RAB3C: variants seen among roughly 807,000 people sequenced by gnomAD.
The protein encoded by RAB3C is ras-related protein Rab-3C.
A neutral mutation model predicts 26.4 loss-of-function variants in RAB3C; 17 were observed. The observed-to-expected ratio is 0.64, with a 90% CI of 0.44 to 0.97. The LOEUF (loss-of-function observed/expected upper bound fraction) is 0.97. Ranked by LOEUF, RAB3C falls within the 50% of genes least tolerant of loss-of-function variation. The pLI, the probability that RAB3C is intolerant of heterozygous loss-of-function variation, is 0.00. For missense variants in RAB3C, 242 were observed against 281.9 expected (o/e 0.86, Z 1.01); for synonymous variants, 91 against 95.9 (o/e 0.95, Z 0.30).
chr5:58,805,336 G>C (rs1377363459), intron 3 of RAB3C, among the ~76,000 whole-genome samples: 1 of 152,114 alleles, frequency 6.6e-6, no homozygotes, highest in Non-Finnish European at 1.5e-5. Context: ...GGTGGAACTT[G>C]AGCTGGGAGT....
At chr5:58,672,400 A>G (rs1478119716) in intron 2 of RAB3C, among the ~76,000 whole-genome samples, 1 of 152,194 alleles carries the variant, frequency 6.6e-6, no homozygotes, top group Non-Finnish European at 1.5e-5. Context: ...TCAACTTCAT[A>G]CCTGCACTGT....
At chr5:58,673,417 G>T (rs1748161641) in intron 2 of RAB3C, among the ~76,000 whole-genome samples, 1 of 150,516 alleles carries the variant, frequency 6.6e-6, no homozygotes, top group Non-Finnish European at 1.5e-5. Context: ...GTGGGGAGCG[G>T]TTTCTTTCTT....
intron 4 of RAB3C, among the ~76,000 whole-genome samples, chr5:58,835,891 A>G (rs1014174184): frequency 6.6e-5 from 10 of 152,324 alleles, no homozygotes; most frequent in African/African-American, 2.4e-4. Flanking sequence ...CTCACACTAA[A>G]TTGTGGAATC....
chr5:58,622,521 G>A (rs761034192), intron 2 of RAB3C, among the ~76,000 whole-genome samples: 2 of 152,170 alleles, frequency 1.3e-5, no homozygotes, highest in Non-Finnish European at 2.9e-5. Flanking sequence ...TCTGACAAAT[G>A]CTGTGATTCC....
At chr5:58,808,224 CAAA>C (rs773339041) in intron 3 of RAB3C, among the ~76,000 whole-genome samples, 6 of 63,616 alleles carry the variant, frequency 9.4e-5, no homozygotes, top group East Asian at 4.7e-4. Flanking sequence ...GACTCCGTCT[CAAA>C]AAAAAAAAAA....
At chr5:58,737,437 ATAT>A (rs1741173044) in intron 3 of RAB3C, among the ~76,000 whole-genome samples, 3 of 82,296 alleles carry the variant, frequency 3.6e-5, no homozygotes, top group Admixed American at 1.3e-4. Context: ...ATATATATAT[ATAT>A]ATATATATAA....
chr5:58,768,892 C>CA (rs1217172938), intron 3 of RAB3C, among the ~76,000 whole-genome samples: 2 of 152,016 alleles, frequency 1.3e-5, no homozygotes, highest in Non-Finnish European at 2.9e-5. Flanking sequence ...AAATTCACTC[C>CA]CACTGCTATG....
intron 2 of RAB3C, among the ~76,000 whole-genome samples, chr5:58,655,189 A>AGAT (rs761209772): frequency 2.6e-4 from 40 of 152,216 alleles, no homozygotes; most frequent in Non-Finnish European, 4.7e-4. Flanking sequence ...ATCATAATTA[A>AGAT]GATAGCAAGA....
At chr5:58,804,947 G>T (rs1368968116) in intron 3 of RAB3C, among the ~76,000 whole-genome samples, 1 of 150,356 alleles carries the variant, frequency 6.7e-6, no homozygotes, top group Non-Finnish European at 1.5e-5. Context: ...GTTCCATGTT[G>T]TTTGTACATA....
chr5:58,666,205 A>G (rs981318843), intron 2 of RAB3C, among the ~76,000 whole-genome samples: 4 of 152,240 alleles, frequency 2.6e-5, no homozygotes, highest in Non-Finnish European at 5.9e-5. Flanking sequence ...AATGTCCCTC[A>G]GGAAATTGGC....
Position 58,858,642 on chromosome 5 carries a change from T to G in RAB3C, c.*7291T>G, listed in dbSNP as rs1194497718. 6.6e-6 allele frequency: 1 copy of G among 151,926 alleles called. No individual in the cohort carries two copies. Among genetic ancestry groups the G allele is most frequent in the African/African-American group, 2.4e-5 (1 of 41,372 alleles). 9.4% of individuals were successfully genotyped at this position (151,926 alleles called of 1,614,324 possible). ...TAGTGAGGAGATTGTGCCAGGAAAA[T>G]AAGTGGGAAAGGCCACAGTTATGTT... On this transcript the variant is annotated 3_prime_UTR_variant, in exon 5 of 5. Coordinates refer to ENST00000282878, the MANE Select transcript of RAB3C (RefSeq NM_138453.4).
At chr5:58,732,316 A>G (rs1741043599) in intron 3 of RAB3C, among the ~76,000 whole-genome samples, 1 of 151,872 alleles carries the variant, frequency 6.6e-6, no homozygotes, top group Non-Finnish European at 1.5e-5. Context: ...TTTATTAAAC[A>G]TGATATATTA....
At chr5:58,757,567 C>G (rs1054057947) in intron 3 of RAB3C, among the ~76,000 whole-genome samples, 3 of 152,216 alleles carry the variant, frequency 2.0e-5, no homozygotes, top group Non-Finnish European at 4.4e-5. Context: ...ATGTTGTGTC[C>G]TTCTCAGGCT....
Position 58,737,394 on chromosome 5 carries a change from AATATATATATATATATATAT to A in RAB3C, c.371+11310_371+11329del, listed in dbSNP as rs55691242. Among the ~76,000 whole-genome samples, 325 of 38,272 alleles carry A rather than the reference AATATATATATATATATATAT, an allele frequency of 8.5e-3. 5 individuals are homozygous for A. The highest frequency in any genetic ancestry group is 0.016 in the African/African-American group (235 of 14,504). 25.1% of individuals were successfully genotyped at this position (38,272 alleles called of 152,430 possible). ...TTTCACAGCATTTATCACCCTATGAAATATATATATATATATATATATATATATATATATATATATATATA... is the reference window on the plus strand; with the variant it reads ...TTTCACAGCATTTATCACCCTATGAAATATATATATATATATATATATATA... On this transcript the variant is annotated intron_variant, in intron 3 of 4. Transcript: ENST00000282878.
At chr5:58,756,236 C>T (rs1366805324) in intron 3 of RAB3C, among the ~76,000 whole-genome samples, 1 of 149,434 alleles carries the variant, frequency 6.7e-6, no homozygotes, top group Admixed American at 6.7e-5. Context: ...TTGAAGGTGT[C>T]ACATACATGA....
At chr5:58,741,867 T>C (rs1741281496) in intron 3 of RAB3C, 1 of 151,950 alleles carries the variant, frequency 6.6e-6, no homozygotes, top group African/African-American at 2.4e-5. Flanking sequence ...TAGCATGGTG[T>C]GGTAGCAGGT....
At position 58,594,851 on chromosome 5, in the gene RAB3C, CTT is replaced by C. The variant is rs368470766; in HGVS notation, c.24+11634_24+11635del. Among the ~76,000 whole-genome samples, 398 of 133,116 alleles carry C rather than the reference CTT, an allele frequency of 3.0e-3. 1 individual carries two copies. Among genetic ancestry groups the C allele is most frequent in the African/African-American group, 9.0e-3 (326 of 36,044 alleles). The allele number at this position is 133,116 out of a possible 152,430, so 87.3% of individuals were successfully genotyped here. Reference sequence around the variant, plus strand: ...AAATGTATTAATATTAACATGTAGGCTTTTTTTTTTTTTTTTACCCCAGTGGG... The same window carrying C: ...AAATGTATTAATATTAACATGTAGGCTTTTTTTTTTTTTTACCCCAGTGGG... On this transcript the variant is annotated intron_variant, in intron 1 of 4. Transcript: ENST00000282878.
intron 1 of RAB3C, among the ~76,000 whole-genome samples, chr5:58,604,513 T>G (rs1414308943): frequency 6.6e-6 from 1 of 152,094 alleles, no homozygotes; most frequent in African/African-American, 2.4e-5. Flanking sequence ...GGGGGTGAGA[T>G]TTCCAGGACA....
chr5:58,641,680 C>G (rs755779105), intron 2 of RAB3C, among the ~76,000 whole-genome samples: 5 of 152,156 alleles, frequency 3.3e-5, no homozygotes, highest in South Asian at 2.1e-4. Context: ...GCTGTCTGCT[C>G]TGTTCCTCAG....
Sources: gnomAD v4.1 joint callset for allele counts (sites outside exome capture counted in the v4.1 genomes callset) on GRCh38, gnomAD v4.1.1 for gene constraint, MANE v1.5 for transcripts, NCBI Gene and HGNC (gene_info 2026-07-23, HGNC 2026-07-21) for gene names.